Variants in COTL1 observed in about 807,000 individuals in gnomAD.
COTL1 encodes coactosin like F-actin binding protein 1, also known as coactosin-like protein.
COTL1 carries 15 observed loss-of-function variants against 16.5 expected under a neutral mutation model. The ratio of observed to expected loss-of-function variants is 0.91; its 90% confidence interval spans 0.61 to 1.40. The LOEUF (loss-of-function observed/expected upper bound fraction) is 1.40. COTL1 is among the 40% of genes most tolerant of loss of function. The pLI is 0.00. For missense variants in COTL1, 220 were observed against 201.5 expected (o/e 1.09, Z -0.56); for synonymous variants, 112 against 85.3 (o/e 1.31, Z -1.73).
Position 84,609,522 on chromosome 16 carries a change from T to C in COTL1, c.160+7979A>G, listed in dbSNP as rs559595406. On this transcript the variant is annotated intron_variant, in intron 2 of 3. Coordinates refer to ENST00000262428, the MANE Select transcript of COTL1 (RefSeq NM_021149.5). ...AGTGGTTAGTCGGACTCTCCTGACA[T>C]ACCTCCTGTGATGGGGGCCTCACTT... is the stretch of plus-strand genomic sequence containing the variant. Among the ~76,000 whole-genome samples, 20 of 152,364 alleles carry C rather than the reference T, an allele frequency of 1.3e-4. No homozygotes were observed. In the South Asian group the frequency reaches 4.1e-3, roughly 32 times the overall value.
chr16:84,612,416 G>A (rs1001498113), intron 2 of COTL1, among the ~76,000 whole-genome samples: 1 of 152,196 alleles, frequency 6.6e-6, no homozygotes, highest in Non-Finnish European at 1.5e-5. Context: ...CCTACTTTGT[G>A]CTGAGTGGGG....
intron 3 of COTL1, among the ~76,000 whole-genome samples, chr16:84,584,368 C>G (rs1904670797): frequency 6.6e-6 from 1 of 152,250 alleles, no homozygotes; most frequent in African/African-American, 2.4e-5. Context: ...TAAAGAGGAT[C>G]AGAGTTGAAC....
intron 2 of COTL1, among the ~76,000 whole-genome samples, chr16:84,602,932 T>G (rs1905130719): frequency 6.6e-6 from 1 of 151,820 alleles, no homozygotes; most frequent in African/African-American, 2.4e-5. Flanking sequence ...CAGTGATGCC[T>G]GCGTAACAAG....
intron 2 of COTL1, among the ~76,000 whole-genome samples, chr16:84,597,942 T>C (rs1042493357): frequency 6.6e-6 from 1 of 152,166 alleles, no homozygotes; most frequent in African/African-American, 2.4e-5. Context: ...AGGAGGCCTT[T>C]CTGCCTGTGC....
intron 3 of COTL1, among the ~76,000 whole-genome samples, chr16:84,571,392 C>T (rs1018966681): frequency 6.6e-6 from 1 of 152,194 alleles, no homozygotes; most frequent in African/African-American, 2.4e-5. Flanking sequence ...GAGGTCATCT[C>T]TTGCCCCTCA....
chr16:84,605,312 T>A (rs1301280816), intron 2 of COTL1, among the ~76,000 whole-genome samples: 1 of 152,234 alleles, frequency 6.6e-6, no homozygotes, highest in Non-Finnish European at 1.5e-5. Flanking sequence ...GCCTGCGTAC[T>A]GCCTCGGCTG....
intron 2 of COTL1, chr16:84,616,386 C>A (rs1905484113): frequency 6.6e-6 from 1 of 152,088 alleles, no homozygotes. Context: ...GCCTGTAATC[C>A]CAGCTACTCA....
At chr16:84,607,032 A>G (rs576742220) in intron 2 of COTL1, among the ~76,000 whole-genome samples, 4 of 152,312 alleles carry the variant, frequency 2.6e-5, no homozygotes, top group African/African-American at 9.6e-5. Context: ...CAACACACCC[A>G]TGGGGGAAAG....
At chr16:84,613,970 C>T (rs959370460) in intron 2 of COTL1, among the ~76,000 whole-genome samples, 4 of 152,304 alleles carry the variant, frequency 2.6e-5, no homozygotes, top group East Asian at 3.9e-4. Flanking sequence ...AGGCTTGCTC[C>T]GTCTTTCCAC....
At chr16:84,617,244 G>A (rs1310579486) in intron 2 of COTL1, among the ~76,000 whole-genome samples, 4 of 152,210 alleles carry the variant, frequency 2.6e-5, no homozygotes, top group African/African-American at 9.7e-5. Flanking sequence ...GACCGCAGGG[G>A]GCAAAAGAGC....
intron 2 of COTL1, among the ~76,000 whole-genome samples, chr16:84,607,089 G>C (rs1241303477): frequency 6.6e-6 from 1 of 152,194 alleles, no homozygotes; most frequent in Non-Finnish European, 1.5e-5. Context: ...CCCCGCCAAG[G>C]ATACCACCAC....
rs116049524 is a variant in COTL1 at position 84,598,037 on chromosome 16, C to T, written c.161-7775G>A. The stretch of plus-strand genomic sequence containing the variant: ...CACACTGAGCCCCATCTCAGGGCTG[C>T]CGTCACTGAGGATACAGCAAGGTCA... On this transcript the variant is annotated intron_variant, in intron 2 of 3. Transcript: ENST00000262428. Among the ~76,000 whole-genome samples the T allele has an allele frequency of 8.9e-3, 1,348 of 152,254 alleles. 19 individuals are homozygous for T. The highest frequency in any genetic ancestry group is 0.027 in the African/African-American group (1,142 of 41,546).
At chr16:84,585,346 T>C (rs1042920858) in intron 3 of COTL1, among the ~76,000 whole-genome samples, 3 of 130,810 alleles carry the variant, frequency 2.3e-5, no homozygotes, top group Non-Finnish European at 4.7e-5. Context: ...CAGAGTGAGA[T>C]TGTCTCCAAA....
chr16:84,587,298 C>T (rs935694039), intron 3 of COTL1, among the ~76,000 whole-genome samples: 3 of 152,164 alleles, frequency 2.0e-5, no homozygotes, highest in Admixed American at 2.0e-4. Flanking sequence ...GTCCCAGGCA[C>T]AGTGCTAGCA....
chr16:84,609,456 A>T (rs1905275763), intron 2 of COTL1, among the ~76,000 whole-genome samples: 1 of 152,194 alleles, frequency 6.6e-6, no homozygotes, highest in Non-Finnish European at 1.5e-5. Flanking sequence ...GTGCAGAGGC[A>T]AGGAAGGCCT....
intron 2 of COTL1, chr16:84,615,873 G>GTGTGTGTGTT (rs1317691288): frequency 6.6e-6 from 1 of 151,424 alleles, no homozygotes; most frequent in Non-Finnish European, 1.5e-5. Flanking sequence ...GTGTGTGTGT[G>GTGTGTGTGTT]TGTGCGCGCA....
intron 2 of COTL1, among the ~76,000 whole-genome samples, chr16:84,609,949 G>A (rs1003279239): frequency 6.6e-6 from 1 of 152,210 alleles, no homozygotes; most frequent in Admixed American, 6.5e-5. Flanking sequence ...ATAGCAGCGT[G>A]AGAAGAGACT....
chr16:84,605,741 G>A (rs1905199588), intron 2 of COTL1, among the ~76,000 whole-genome samples: 1 of 152,260 alleles, frequency 6.6e-6, no homozygotes, highest in Non-Finnish European at 1.5e-5. Flanking sequence ...GGAGAAAGCA[G>A]CCCTGTCCAC....
At chr16:84,566,981 G>A (rs750348061) in intron 3 of COTL1, 26 bp from the exon 4 acceptor site, 11 of 1,535,412 alleles carry the variant, frequency 7.2e-6, no homozygotes, top group East Asian at 2.2e-5. Context: ...AAAACACAGC[G>A]TTCCTATTAA....
Sources: gnomAD v4.1 joint callset for allele counts (sites outside exome capture counted in the v4.1 genomes callset) on GRCh38, gnomAD v4.1.1 for gene constraint, MANE v1.5 for transcripts, NCBI Gene and HGNC (gene_info 2026-07-23, HGNC 2026-07-21) for gene names.